The following MKS1 variants were observed in gnomAD, a reference collection of about 807,000 sequenced individuals.
MKS1 encodes the protein MKS transition zone complex subunit 1, also known as tectonic-like complex member MKS1.
Under a neutral mutation model 83.7 loss-of-function variants are expected in MKS1, and 70 were observed. That is an observed-to-expected ratio of 0.84 (90% CI 0.69 to 1.02). The LOEUF is 1.02. MKS1 is among the 50% of genes least tolerant of loss of function. The pLI is 0.00. For missense variants in MKS1, 681 were observed against 726.9 expected (o/e 0.94, Z 0.73); for synonymous variants, 251 against 273.4 (o/e 0.92, Z 0.81).
intron 1 of MKS1, 178 bp from the exon 2 acceptor site, chr17:58,218,907 G>A (rs1969423046): frequency 1.2e-6 from 1 of 818,408 alleles, no homozygotes; most frequent in African/African-American, 1.7e-5. Context: ...GGGAGAGGGT[G>A]TACTGGGGGC....
rs187870415 is a variant in MKS1, at chr17:58,216,226, G to A, written c.279C>T (p.Tyr93=). The change falls in exon 4 of 18, where the codon TAC becomes TAT. Residue 93 remains tyrosine, a synonymous_variant. Coordinates refer to ENST00000393119, the MANE Select transcript of MKS1 (RefSeq NM_017777.4). ...GACTCTGACAGGCTGTTTCATTTTGGTACAGATCTACTTCAAACTGAGGTT... is the reference window on the plus strand; with the variant it reads ...GACTCTGACAGGCTGTTTCATTTTGATACAGATCTACTTCAAACTGAGGTT... ...KLFSQFEVDL[Y]QNETACQSPL... 9.9e-6 allele frequency: 16 copies of A among 1,613,244 alleles called. No individual in the cohort carries two copies. Among genetic ancestry groups the A allele is most frequent in the Non-Finnish European group, 1.4e-5 (16 of 1,179,974 alleles).
intron 2 of MKS1, 87 bp downstream of exon 2, chr17:58,218,533 A>G (rs1969393084): frequency 1.3e-6 from 1 of 786,304 alleles, no homozygotes. Flanking sequence ...TCAGAAGTAT[A>G]GTATTTGTTA....
rs1320838199 is a variant in MKS1 at position 58,209,944 on chromosome 17, T to A, written c.1024+715A>T. ...TAGGGTGCTGGAGAGAACAAATAGG[T>A]TCACAACAGCTTTTGAAGACAGAAC... On this transcript the variant is annotated intron_variant, in intron 11 of 17. Transcript: ENST00000393119. This position sits in a 1 kb window ranked among gnomAD's most constrained non-coding sequence, Gnocchi z 4.1. 6.6e-6 allele frequency among the ~76,000 whole-genome samples: 1 copy of A among 152,090 alleles called. No homozygotes were observed. The highest frequency in any genetic ancestry group is 2.4e-5 in the African/African-American group (1 of 41,402).
chr17:58,214,223 T>TGA (rs1482591870), intron 6 of MKS1, 36 bp downstream of exon 6: 1 of 1,613,936 alleles, frequency 6.2e-7, no homozygotes, highest in East Asian at 2.2e-5. Context: ...GAGAAAAGGA[T>TGA]GAGGCTCTAA....
chr17:58,213,932 C>A, intron 6 of MKS1, 63 bp from the exon 7 acceptor site: 1 of 1,346,286 alleles, frequency 7.4e-7, no homozygotes, highest in Non-Finnish European at 1.1e-6. Flanking sequence ...AGAAGAGATA[C>A]TGAGCCCACT....
chr17:58,212,514 G>A (rs2143789959), intron 8 of MKS1, 80 bp from the exon 9 acceptor site: 1 of 1,476,804 alleles, frequency 6.8e-7, no homozygotes, highest in Non-Finnish European at 9.5e-7. Flanking sequence ...AAGAAGAAAA[G>A]CAATAGTGGG....
chr17:58,218,733 T>A lies in MKS1; in HGVS notation c.81-4A>T, dbSNP rs1969410892. Reference sequence around the variant, plus strand: ...TGTGATTCTTTGCAGGTGGACTCTGTCAAGAAAAGCCCAAAATATTCGTTA... The same window carrying A: ...TGTGATTCTTTGCAGGTGGACTCTGACAAGAAAAGCCCAAAATATTCGTTA... On this transcript the variant is annotated splice_region_variant and splice_polypyrimidine_tract_variant and intron_variant, in intron 1 of 17. Transcript: ENST00000393119. The A allele has an allele frequency of 6.2e-7, 1 of 1,610,486 alleles. No homozygotes were observed. Among genetic ancestry groups the A allele is most frequent in the Non-Finnish European group, 8.5e-7 (1 of 1,176,922 alleles).
chr17:58,213,914 G>T, intron 6 of MKS1, 45 bp from the exon 7 acceptor site: 1 of 1,508,890 alleles, frequency 6.6e-7, no homozygotes, highest in South Asian at 1.1e-5. Flanking sequence ...TGGTCCTTCA[G>T]GGAAACAAGA....
intron 15 of MKS1, 103 bp from the exon 16 acceptor site, chr17:58,206,650 A>C (rs1279214387): frequency 1.7e-6 from 2 of 1,187,602 alleles, no homozygotes; most frequent in Non-Finnish European, 2.4e-6. Flanking sequence ...TGGGAAGCGC[A>C]GTTCTGTTGG....
At chr17:58,214,036 C>T (rs1969040867) in intron 6 of MKS1, among the ~76,000 whole-genome samples, 167 bp from the exon 7 acceptor site, 1 of 152,156 alleles carries the variant, frequency 6.6e-6, no homozygotes, top group African/African-American at 2.4e-5. Flanking sequence ...AAGTCCCTTC[C>T]TCTCCTATAA....
chr17:58,207,985 C>G lies in MKS1; in HGVS notation c.1182G>C (p.Trp394Cys). ...EDESSDALPE[W>C]PVLYCEVLSL... Reference sequence around the variant, plus strand: ...AGAGGACCTCACAGTAGAGCACAGGCCACTCCGGGAGTGCATCTGGGAGCA... The same window carrying G: ...AGAGGACCTCACAGTAGAGCACAGGGCACTCCGGGAGTGCATCTGGGAGCA... The change falls in exon 14 of 18, where the codon TGG (tryptophan) becomes TGC (cysteine). Residue 394 changes from tryptophan (W) to cysteine (C), a missense_variant. Trp to Cys is a radical substitution (Grantham distance 215, BLOSUM62 -2). Transcript: ENST00000393119. 5.0e-6 allele frequency: 8 copies of G among 1,614,100 alleles called. No homozygotes were observed. Among genetic ancestry groups the G allele is most frequent in the Non-Finnish European group, 6.8e-6 (8 of 1,180,002 alleles).
At chr17:58,212,893 G>C (rs1478234874) in intron 8 of MKS1, 89 bp downstream of exon 8, 2 of 1,321,948 alleles carry the variant, frequency 1.5e-6, no homozygotes. Context: ...GGCTTTTCCC[G>C]AGCAACTGCT....
At chr17:58,212,537 G>C in intron 8 of MKS1, 103 bp from the exon 9 acceptor site, 3 of 1,291,258 alleles carry the variant, frequency 2.3e-6, no homozygotes, top group Non-Finnish European at 3.4e-6. Context: ...GGGTCAGCAA[G>C]AGCTGGAGGC....
chr17:58,214,114 G>A, intron 6 of MKS1, 145 bp downstream of exon 6: 2 of 1,262,252 alleles, frequency 1.6e-6, no homozygotes, highest in Non-Finnish European at 1.1e-6. Context: ...AGTTGGCAGT[G>A]AGAAGCTTCA....
intron 11 of MKS1, 35 bp from the exon 12 acceptor site, chr17:58,208,618 T>A: frequency 2.5e-6 from 4 of 1,592,078 alleles, no homozygotes; most frequent in Non-Finnish European, 3.4e-6. Context: ...TAAGCTCGCC[T>A]GGGAGGAAAG....
At chr17:58,207,344 G>C in intron 14 of MKS1, 126 bp from the exon 15 acceptor site, 1 of 1,326,796 alleles carries the variant, frequency 7.5e-7, no homozygotes, top group Non-Finnish European at 1.1e-6. Flanking sequence ...CCTGGCCTCT[G>C]GTGCAGGTTA....
At chr17:58,217,032 C>A (rs1969261349) in intron 2 of MKS1, among the ~76,000 whole-genome samples, 1 of 152,220 alleles carries the variant, frequency 6.6e-6, no homozygotes, top group Admixed American at 6.5e-5. Flanking sequence ...CTCTGTCACC[C>A]AAGCTGGAGT....
chr17:58,213,666 C>T (rs1256819032), intron 7 of MKS1, 99 bp downstream of exon 7: 29 of 905,788 alleles, frequency 3.2e-5, no homozygotes, highest in Non-Finnish European at 4.6e-5. Flanking sequence ...AAAGTTAGAA[C>T]AGATGAAGGA....
At chr17:58,218,831 G>T in intron 1 of MKS1, 102 bp from the exon 2 acceptor site, 3 of 1,072,740 alleles carry the variant, frequency 2.8e-6, no homozygotes, top group Non-Finnish European at 4.2e-6. Flanking sequence ...GGGTTGCCAA[G>T]GTGTGCTGGG....
Sources: allele counts gnomAD v4.1 joint callset (sites outside exome capture counted in the v4.1 genomes callset), GRCh38; gene constraint gnomAD v4.1.1; non-coding constraint Gnocchi (gnomAD v3.1); transcripts MANE v1.5; gene names NCBI Gene and HGNC (gene_info 2026-07-23, HGNC 2026-07-21).